Variants in CCSER1 observed in about 807,000 individuals in gnomAD.
CCSER1 encodes serine-rich coiled-coil domain-containing protein 1.
Under a neutral mutation model 82.0 loss-of-function variants are expected in CCSER1, and 41 were observed. The observed-to-expected ratio is 0.50, with a 90% CI of 0.39 to 0.65. The LOEUF is 0.65. CCSER1 is among the 30% of genes least tolerant of loss of function. The pLI, the probability that CCSER1 is intolerant of heterozygous loss-of-function variation, is 0.00. For missense variants in CCSER1, 1,119 were observed against 1,064.2 expected (o/e 1.05, Z -0.72); for synonymous variants, 414 against 383.9 (o/e 1.08, Z -0.92).
chr4:90,255,145 A>G (rs1240642560), intron 1 of CCSER1, among the ~76,000 whole-genome samples: 1 of 152,174 alleles, frequency 6.6e-6, no homozygotes, highest in Non-Finnish European at 1.5e-5. Flanking sequence ...TCAGCAAGTA[A>G]CAATTCTTTT....
chr4:91,072,502 A>G (rs1007794447), intron 9 of CCSER1, among the ~76,000 whole-genome samples: 2 of 152,136 alleles, frequency 1.3e-5, no homozygotes, highest in Non-Finnish European at 2.9e-5. Flanking sequence ...GATCTCTTGA[A>G]CATTAATATA....
At chr4:91,513,177 A>T (rs1203942327) in intron 10 of CCSER1, among the ~76,000 whole-genome samples, 1 of 151,966 alleles carries the variant, frequency 6.6e-6, no homozygotes, top group African/African-American at 2.4e-5. Context: ...TTTATCATGG[A>T]GGGATTTTGG....
rs570833712 is a variant in CCSER1, at chr4:90,368,008, G to C, written c.1510-32028G>C. Among the ~76,000 whole-genome samples the C allele has an allele frequency of 1.7e-3, 254 of 151,996 alleles. 2 individuals are homozygous for C. Among genetic ancestry groups the C allele is most frequent in the Non-Finnish European group, 2.7e-3 (181 of 67,958 alleles). On this transcript the variant is annotated intron_variant, in intron 3 of 10. Transcript: ENST00000509176. ...AATGTTTAACAGGCCTTTCCTGTTAGGTTCTGAAATTCAATAATAAATAAT... is the reference window on the plus strand; with the variant it reads ...AATGTTTAACAGGCCTTTCCTGTTACGTTCTGAAATTCAATAATAAATAAT...
intron 10 of CCSER1, among the ~76,000 whole-genome samples, chr4:91,521,783 C>T (rs1487585343): frequency 1.3e-5 from 2 of 152,134 alleles, no homozygotes; most frequent in Non-Finnish European, 2.9e-5. Context: ...GATATTAGCC[C>T]TTCATCAGAT....
At chr4:90,795,835 T>C (rs1283245404) in intron 7 of CCSER1, among the ~76,000 whole-genome samples, 1 of 152,210 alleles carries the variant, frequency 6.6e-6, no homozygotes, top group Non-Finnish European at 1.5e-5. Flanking sequence ...TTACATCTCA[T>C]GGATAAAGCC....
At chr4:90,415,404 T>C (rs1276804156) in intron 4 of CCSER1, among the ~76,000 whole-genome samples, 1 of 152,224 alleles carries the variant, frequency 6.6e-6, no homozygotes, top group Non-Finnish European at 1.5e-5. Context: ...CGATTAACTT[T>C]TTTTATACTT....
intron 7 of CCSER1, among the ~76,000 whole-genome samples, chr4:90,807,316 T>A (rs1580567320): frequency 6.6e-6 from 1 of 152,196 alleles, no homozygotes; most frequent in East Asian, 1.9e-4. Flanking sequence ...AGTATAAGTA[T>A]TAAAAATGAG....
chr4:91,133,986 C>A (rs181181980), intron 10 of CCSER1, among the ~76,000 whole-genome samples: 62 of 152,292 alleles, frequency 4.1e-4, no homozygotes, highest in African/African-American at 1.4e-3. Flanking sequence ...ATAATCCCAG[C>A]TACTCTGGAG....
At position 91,355,618 on chromosome 4, in the gene CCSER1, C is replaced by T. The variant is rs187638527; in HGVS notation, c.2218-242954C>T. Reference sequence around the variant, plus strand: ...TCTCAGTCTGACGAAGGTTAGTTGACGTCCTTACTGAAAAAGTCCAAATTT... The same window carrying T: ...TCTCAGTCTGACGAAGGTTAGTTGATGTCCTTACTGAAAAAGTCCAAATTT... On this transcript the variant is annotated intron_variant, in intron 10 of 10. Transcript: ENST00000509176. 5.1e-4 allele frequency among the ~76,000 whole-genome samples: 78 copies of T among 152,240 alleles called. 1 individual carries two copies. The highest frequency in any genetic ancestry group is 1.5e-3 in the Admixed American group (23 of 15,298).
At chr4:90,234,010 A>G (rs1040264107) in intron 1 of CCSER1, among the ~76,000 whole-genome samples, 2 of 152,190 alleles carry the variant, frequency 1.3e-5, no homozygotes, top group Admixed American at 6.5e-5. Flanking sequence ...AAAAATAAAC[A>G]TTTAAAAAAT....
intron 9 of CCSER1, among the ~76,000 whole-genome samples, chr4:91,057,352 T>G (rs890223411): frequency 6.6e-6 from 1 of 152,208 alleles, no homozygotes; most frequent in Non-Finnish European, 1.5e-5. Flanking sequence ...TCTCTCAGTG[T>G]AATTGTTGTC....
chr4:90,932,982 G>GAGAGAAAGAAAGAAAGAGAAAGAA (rs1730228082), intron 9 of CCSER1, among the ~76,000 whole-genome samples: 1 of 18,856 alleles, frequency 5.3e-5, no homozygotes, highest in East Asian at 9.2e-4. Flanking sequence ...AAGAAAGAAA[G>GAGAGAAAGAAAGAAAGAGAAAGAA]AGAAAGAAAG....
chr4:91,083,353 T>C (rs771070783), intron 9 of CCSER1, among the ~76,000 whole-genome samples: 1 of 151,896 alleles, frequency 6.6e-6, no homozygotes, highest in Non-Finnish European at 1.5e-5. Flanking sequence ...TAGGTGGGAA[T>C]TGAACAATAA....
chr4:90,903,677 T>G (rs1177525864), intron 8 of CCSER1, among the ~76,000 whole-genome samples: 7 of 152,046 alleles, frequency 4.6e-5, no homozygotes, highest in South Asian at 2.1e-4. Flanking sequence ...CAGATCTACT[T>G]CAATACAAAA....
In CCSER1 at chr4:90,225,604, G is replaced by T. The variant is rs568495803; in HGVS notation, c.-41-82640G>T. Among the ~76,000 whole-genome samples, 20 of 152,262 alleles carry T rather than the reference G, an allele frequency of 1.3e-4. 1 individual carries two copies. Among genetic ancestry groups the T allele is most frequent in the African/African-American group, 4.6e-4 (19 of 41,560 alleles). On this transcript the variant is annotated intron_variant, in intron 1 of 10. Coordinates refer to ENST00000509176, the MANE Select transcript of CCSER1 (RefSeq NM_001145065.2). ...AACTAGGCTAATGTCATAAGTGCTGGAACTAGTCTTTGGTCTTATAGCAAT... is the reference window on the plus strand; with the variant it reads ...AACTAGGCTAATGTCATAAGTGCTGTAACTAGTCTTTGGTCTTATAGCAAT...
At chr4:91,311,666 A>T (rs551545956) in intron 10 of CCSER1, among the ~76,000 whole-genome samples, 2 of 152,080 alleles carry the variant, frequency 1.3e-5, no homozygotes, top group African/African-American at 4.8e-5. Flanking sequence ...TCTATAAATC[A>T]TAAACTGACA....
intron 9 of CCSER1, among the ~76,000 whole-genome samples, chr4:91,074,424 G>A (rs1029915473): frequency 1.3e-5 from 2 of 152,116 alleles, no homozygotes; most frequent in African/African-American, 4.8e-5. Flanking sequence ...AGTTAACGAT[G>A]GAGTAGGCAC....
At chr4:90,338,023 A>G (rs1480315193) in intron 3 of CCSER1, among the ~76,000 whole-genome samples, 2 of 152,328 alleles carry the variant, frequency 1.3e-5, no homozygotes, top group African/African-American at 2.4e-5. Context: ...ATCTGAAGCC[A>G]TATTGATGAA....
chr4:90,772,866 A>T (rs1752382377), intron 7 of CCSER1, among the ~76,000 whole-genome samples: 2 of 152,184 alleles, frequency 1.3e-5, no homozygotes, highest in Non-Finnish European at 2.9e-5. Flanking sequence ...AAGTTTTTAT[A>T]TCCTATTTTA....
Sources: gnomAD v4.1 joint callset for allele counts (sites outside exome capture counted in the v4.1 genomes callset) on GRCh38, gnomAD v4.1.1 for gene constraint, MANE v1.5 for transcripts, NCBI Gene and HGNC (gene_info 2026-07-23, HGNC 2026-07-21) for gene names.